The following SGCD variants were observed in gnomAD, a reference collection of about 807,000 sequenced individuals.
SGCD encodes sarcoglycan delta, also known as delta-sarcoglycan.
SGCD carries 18 observed loss-of-function variants against 36.6 expected under a neutral mutation model. The ratio of observed to expected loss-of-function variants is 0.49; its 90% CI spans 0.34 to 0.73. The LOEUF is 0.73. Among genes scored for constraint, SGCD ranks in the 30% least tolerant of loss-of-function variants. SGCD has a pLI of 0.01. For synonymous variants in SGCD, 133 were observed against 130.6 expected (o/e 1.02, Z -0.12); for missense variants, 387 against 346.7 (o/e 1.12, Z -0.92).
chr5:156,524,596 G>T (rs974795354), intron 4 of SGCD, among the ~76,000 whole-genome samples: 1 of 151,782 alleles, frequency 6.6e-6, no homozygotes, highest in African/African-American at 2.4e-5. Flanking sequence ...TGCATGTGGT[G>T]AGAATACCTA....
At chr5:156,286,220 T>C (rs567870023) in intron 3 of SGCD, among the ~76,000 whole-genome samples, 25 of 152,320 alleles carry the variant, frequency 1.6e-4, no homozygotes, top group Middle Eastern at 6.8e-3. Context: ...TTTTATACTG[T>C]TGATGGGACT....
chr5:156,269,630 C>A lies in SGCD; in HGVS notation c.-43-59904C>A, dbSNP rs1199254993. 3.3e-5 allele frequency among the ~76,000 whole-genome samples: 5 copies of A among 151,766 alleles called. No individual in the cohort carries two copies. The South Asian group carries it at 8.3e-4, about 25-fold the overall frequency. ...CAACATGTGGGAATTCTGGGAGGTA[C>A]AATATAAGTTGAGATTTGGGTGGGG... On this transcript the variant is annotated intron_variant, in intron 3 of 9. Transcript: ENST00000517913.
chr5:155,983,424 C>G (rs748178684), intron 1 of SGCD, among the ~76,000 whole-genome samples: 74 of 152,282 alleles, frequency 4.9e-4, no homozygotes, highest in African/African-American at 1.7e-3. Context: ...CTCAGCCTCC[C>G]ATGTAGCCGG....
intron 3 of SGCD, among the ~76,000 whole-genome samples, chr5:156,487,031 T>A (rs1755702421): frequency 6.6e-6 from 1 of 152,126 alleles, no homozygotes; most frequent in South Asian, 2.1e-4. Context: ...GCACACCACC[T>A]GGAGGCCTAA....
At chr5:156,080,427 G>GAAATT (rs1760921000) in intron 1 of SGCD, among the ~76,000 whole-genome samples, 4 of 152,284 alleles carry the variant, frequency 2.6e-5, no homozygotes, top group African/African-American at 9.6e-5. Flanking sequence ...TTTATGCCTT[G>GAAATT]AAAACTTGCT....
chr5:156,135,502 A>G (rs527936653), intron 3 of SGCD, among the ~76,000 whole-genome samples: 1 of 151,888 alleles, frequency 6.6e-6, no homozygotes, highest in Non-Finnish European at 1.5e-5. Context: ...CCAACACATC[A>G]CTCCAGACAG....
At position 156,197,743 on chromosome 5, in the gene SGCD, A is replaced by G. The variant is rs542273329; in HGVS notation, c.-44+73724A>G. Reference sequence around the variant, plus strand: ...GCATGCTGATTTTTATCTCTCCCAAATTCTTTCTCTTTGATTCATTATTTT... The same window carrying G: ...GCATGCTGATTTTTATCTCTCCCAAGTTCTTTCTCTTTGATTCATTATTTT... On this transcript the variant is annotated intron_variant, in intron 3 of 9. Coordinates refer to the SGCD transcript ENST00000517913. Among the ~76,000 whole-genome samples, 6 of 152,116 alleles carry G rather than the reference A, an allele frequency of 3.9e-5. No individual in the cohort carries two copies. The South Asian group carries it at 6.2e-4, about 16-fold the overall frequency.
At chr5:156,652,289 T>G (rs1763491814) in intron 7 of SGCD, among the ~76,000 whole-genome samples, 1 of 151,910 alleles carries the variant, frequency 6.6e-6, no homozygotes, top group South Asian at 2.1e-4. Flanking sequence ...GAGACAAGCC[T>G]GGACAACATA....
intron 2 of SGCD, among the ~76,000 whole-genome samples, chr5:156,335,390 G>C (rs1191186494): frequency 6.6e-6 from 1 of 152,192 alleles, no homozygotes; most frequent in African/African-American, 2.4e-5. Context: ...GGACTTGCCT[G>C]AGAGGTATAT....
intron 6 of SGCD, among the ~76,000 whole-genome samples, chr5:156,615,912 G>A (rs1012507391): frequency 3.3e-5 from 5 of 152,174 alleles, no homozygotes; most frequent in African/African-American, 1.2e-4. Context: ...TAGATGAGGA[G>A]GGAAGAAAAA....
intron 3 of SGCD, among the ~76,000 whole-genome samples, chr5:156,157,769 A>G (rs903569740): frequency 1.3e-5 from 2 of 151,722 alleles, no homozygotes; most frequent in African/African-American, 4.9e-5. Flanking sequence ...TTGGTACAGT[A>G]GTAAAGTGGT....
chr5:156,291,779 G>A (rs1766763317), intron 3 of SGCD, among the ~76,000 whole-genome samples: 1 of 151,800 alleles, frequency 6.6e-6, no homozygotes, highest in Admixed American at 6.6e-5. Flanking sequence ...ATGCATTTAT[G>A]GTAAACAACA....
the SGCD span, among the ~76,000 whole-genome samples, chr5:155,785,287 T>G: frequency 6.6e-6 from 1 of 152,180 alleles, no homozygotes; most frequent in Admixed American, 6.6e-5. Context: ...TTTTATTTAT[T>G]TTTACATTTT....
At chr5:155,949,977 A>G (rs1172917905) in intron 1 of SGCD, among the ~76,000 whole-genome samples, 2 of 152,222 alleles carry the variant, frequency 1.3e-5, no homozygotes, top group Admixed American at 1.3e-4. Flanking sequence ...ATGTAATGGC[A>G]ACTCAACTTG....
chr5:156,452,451 A>G (rs1754061647), intron 3 of SGCD, among the ~76,000 whole-genome samples: 1 of 152,144 alleles, frequency 6.6e-6, no homozygotes, highest in African/African-American at 2.4e-5. Flanking sequence ...TAGGCTTTTC[A>G]GATCCCAAAG....
chr5:156,674,307 A>C (rs542207064), intron 7 of SGCD, among the ~76,000 whole-genome samples: 9 of 152,306 alleles, frequency 5.9e-5, no homozygotes, highest in Admixed American at 4.6e-4. Context: ...GTTACATATA[A>C]TCCCATAGCG....
intron 3 of SGCD, among the ~76,000 whole-genome samples, chr5:156,286,490 A>T (rs1210868815): frequency 6.6e-6 from 1 of 152,246 alleles, no homozygotes; most frequent in Non-Finnish European, 1.5e-5. Context: ...AATACTATGC[A>T]GCCATAGAAA....
chr5:156,220,623 A>G (rs1358762568), intron 3 of SGCD, among the ~76,000 whole-genome samples: 1 of 152,152 alleles, frequency 6.6e-6, no homozygotes, highest in African/African-American at 2.4e-5. Flanking sequence ...CCCTAGGACC[A>G]GTGTTGCCTA....
chr5:156,448,577 A>G (rs1235720432), intron 3 of SGCD, among the ~76,000 whole-genome samples: 1 of 152,068 alleles, frequency 6.6e-6, no homozygotes, highest in Non-Finnish European at 1.5e-5. Context: ...CCTGGAAATT[A>G]ATTTTCAGGG....
Sources: allele counts gnomAD v4.1 joint callset (sites outside exome capture counted in the v4.1 genomes callset), GRCh38; gene constraint gnomAD v4.1.1; transcripts MANE v1.5; gene names NCBI Gene and HGNC (gene_info 2026-07-23, HGNC 2026-07-21).